The following PPP1R12B variants were observed in gnomAD, a reference collection of about 807,000 sequenced individuals.
PPP1R12B encodes protein phosphatase 1 regulatory subunit 12B.
Under a neutral mutation model 126.1 loss-of-function variants are expected in PPP1R12B, and 76 were observed. The ratio of observed to expected loss-of-function variants is 0.60; its 90% CI spans 0.50 to 0.73. PPP1R12B has a LOEUF of 0.73. Ranked by LOEUF, PPP1R12B falls within the 30% of genes least tolerant of loss-of-function variation. The pLI is 0.00. For missense variants in PPP1R12B, 1,052 were observed against 1,205.1 expected (o/e 0.87, Z 1.88); for synonymous variants, 356 against 434.7 (o/e 0.82, Z 2.25).
chr1:202,452,979 T>C (rs1673196551), intron 13 of PPP1R12B, among the ~76,000 whole-genome samples: 1 of 152,182 alleles, frequency 6.6e-6, no homozygotes, highest in Non-Finnish European at 1.5e-5. Context: ...TTGCTTTCTC[T>C]TGTCCGATTG....
At chr1:202,409,778 C>T (rs948967617) in intron 1 of PPP1R12B, among the ~76,000 whole-genome samples, 1 of 152,198 alleles carries the variant, frequency 6.6e-6, no homozygotes, top group African/African-American at 2.4e-5. Flanking sequence ...ATCCTCCCTC[C>T]TCAGCCTCCC....
At chr1:202,447,491 T>G (rs1672431409) in intron 12 of PPP1R12B, among the ~76,000 whole-genome samples, 2 of 152,254 alleles carry the variant, frequency 1.3e-5, no homozygotes, top group African/African-American at 4.8e-5. Context: ...ACTATCTCTA[T>G]TTTATCAATG....
At chr1:202,470,761 C>T (rs1490359533) in intron 13 of PPP1R12B, among the ~76,000 whole-genome samples, 2 of 151,968 alleles carry the variant, frequency 1.3e-5, no homozygotes, top group African/African-American at 4.8e-5. Context: ...AAATTTTAGC[C>T]AGGCCTGGGA....
chr1:202,417,954 G>A (rs1391523722), intron 2 of PPP1R12B, among the ~76,000 whole-genome samples: 1 of 152,216 alleles, frequency 6.6e-6, no homozygotes, highest in African/African-American at 2.4e-5. Flanking sequence ...TTAAACAAAG[G>A]GAGAGTCAGA....
chr1:202,459,894 C>T (rs552262739), intron 13 of PPP1R12B, among the ~76,000 whole-genome samples: 188 of 152,290 alleles, frequency 1.2e-3, no homozygotes, highest in African/African-American at 4.3e-3. Flanking sequence ...TAGAAACCAA[C>T]AAGGTCATCT....
At chr1:202,385,624 C>G (rs1662988693) in intron 1 of PPP1R12B, among the ~76,000 whole-genome samples, 2 of 152,154 alleles carry the variant, frequency 1.3e-5, no homozygotes, top group Admixed American at 1.3e-4. Flanking sequence ...CCCTAGTGAT[C>G]ATAGAGCTCA....
chr1:202,561,407 C>T (rs1261923683), intron 19 of PPP1R12B, among the ~76,000 whole-genome samples: 2 of 147,832 alleles, frequency 1.4e-5, no homozygotes, highest in Non-Finnish European at 3.0e-5. Context: ...TTTAGTGAGG[C>T]AAATCTATTT....
In PPP1R12B at chr1:202,475,769, G is replaced by C. The variant is rs536568077; in HGVS notation, c.1851-12764G>C. Among the ~76,000 whole-genome samples the C allele has an allele frequency of 8.5e-5, 13 of 152,274 alleles. No homozygotes were observed. The East Asian group carries it at 2.3e-3, about 27-fold the overall frequency. ...TCATAAAGTCTGTAGGCATAGGTCTGTGATTCCCGTGATCCCCCTAAGTCT... is the reference window on the plus strand; with the variant it reads ...TCATAAAGTCTGTAGGCATAGGTCTCTGATTCCCGTGATCCCCCTAAGTCT... On this transcript the variant is annotated intron_variant, in intron 13 of 23. Transcript: ENST00000608999.
intron 23 of PPP1R12B, among the ~76,000 whole-genome samples, chr1:202,573,811 G>T (rs965675596): frequency 2.0e-5 from 3 of 152,158 alleles, no homozygotes; most frequent in African/African-American, 7.2e-5. Flanking sequence ...CTAGCACATT[G>T]GTCCAGCTAG....
At chr1:202,539,345 A>C (rs181586184) in intron 18 of PPP1R12B, among the ~76,000 whole-genome samples, 1 of 152,250 alleles carries the variant, frequency 6.6e-6, no homozygotes, top group African/African-American at 2.4e-5. Flanking sequence ...CTGAGTTGAA[A>C]GTGAATCTTT....
chr1:202,483,642 G>A lies in PPP1R12B; in HGVS notation c.1851-4891G>A, dbSNP rs558967556. ...GAACCAGGAAGTTAAGCTTTAAAAT[G>A]GAGAATAGAGAATAAGAGAGCTGAA... On this transcript the variant is annotated intron_variant, in intron 13 of 23. Coordinates refer to ENST00000608999, the MANE Select transcript of PPP1R12B (RefSeq NM_002481.4). Among the ~76,000 whole-genome samples the A allele has an allele frequency of 2.0e-3, 308 of 152,224 alleles. 1 individual carries two copies. The highest frequency in any genetic ancestry group is 7.0e-3 in the African/African-American group (292 of 41,528).
rs117371265 is a variant in PPP1R12B at position 202,562,456 on chromosome 1, A to G, written c.2508-322A>G. ...AAGAAATCTTTACTTTTAAAAGCACACTTTTGAGGGAAGCTGTTCAATCCT... is the reference window on the plus strand; with the variant it reads ...AAGAAATCTTTACTTTTAAAAGCACGCTTTTGAGGGAAGCTGTTCAATCCT... On this transcript the variant is annotated intron_variant, in intron 19 of 23. Transcript: ENST00000608999. Among the ~76,000 whole-genome samples, 39 of 152,296 alleles carry G rather than the reference A, an allele frequency of 2.6e-4. No individual in the cohort carries two copies. The East Asian group carries it at 6.2e-3, about 24-fold the overall frequency.
intron 13 of PPP1R12B, among the ~76,000 whole-genome samples, chr1:202,471,704 T>C (rs1675924148): frequency 6.6e-6 from 1 of 152,026 alleles, no homozygotes; most frequent in East Asian, 1.9e-4. Flanking sequence ...TATATGCTTT[T>C]CTGGTTTCCT....
intron 13 of PPP1R12B, chr1:202,472,217 T>C: frequency 2.0e-6 from 1 of 493,428 alleles, no homozygotes; most frequent in Non-Finnish European, 3.5e-6. Context: ...TACTTTTTAG[T>C]TTGTCTTTTA....
At position 202,592,660 on chromosome 1, in the gene PPP1R12B, T is replaced by C. The variant is rs781502947; in HGVS notation, c.*12100T>C. On this transcript the variant is annotated 3_prime_UTR_variant, in exon 24 of 24. Transcript: ENST00000608999. ...CTCAAATGGCTTCAGAAGGTTCTTA[T>C]TTTGTTGTTGCTTAAAAAATAAAGT... The C allele has an allele frequency of 4.6e-5, 7 of 152,222 alleles. No homozygotes were observed. The East Asian group carries it at 1.3e-3, about 29-fold the overall frequency. The allele number at this position is 152,222 out of a possible 1,614,324, so 9.4% of individuals were successfully genotyped here.
intron 18 of PPP1R12B, among the ~76,000 whole-genome samples, chr1:202,554,120 A>G (rs946164055): frequency 6.6e-6 from 1 of 152,150 alleles, no homozygotes; most frequent in Non-Finnish European, 1.5e-5. Context: ...GTGTTTTTTC[A>G]TCAAACCCCG....
intron 1 of PPP1R12B, among the ~76,000 whole-genome samples, chr1:202,392,661 A>G (rs772515292): frequency 2.7e-4 from 41 of 151,786 alleles, no homozygotes; most frequent in Non-Finnish European, 5.3e-4. Context: ...AGCTGGGACT[A>G]CAGGCCCACA....
intron 18 of PPP1R12B, among the ~76,000 whole-genome samples, chr1:202,545,897 TAAG>T (rs1451325678): frequency 6.6e-6 from 1 of 152,128 alleles, no homozygotes; most frequent in African/African-American, 2.4e-5. Flanking sequence ...AGAAATGTAA[TAAG>T]AAATGAGAGA....
intron 9 of PPP1R12B, among the ~76,000 whole-genome samples, chr1:202,437,426 A>G (rs1302726814): frequency 6.6e-6 from 1 of 152,228 alleles, no homozygotes; most frequent in Non-Finnish European, 1.5e-5. Context: ...GTCATTTTAC[A>G]GGTGAGCATG....
Sources: allele counts gnomAD v4.1 joint callset (sites outside exome capture counted in the v4.1 genomes callset), GRCh38; gene constraint gnomAD v4.1.1; transcripts MANE v1.5; gene names NCBI Gene and HGNC (gene_info 2026-07-23, HGNC 2026-07-21).